KALRN: variants seen among roughly 807,000 people sequenced by gnomAD.
KALRN encodes kalirin.
A neutral mutation model predicts 353.7 loss-of-function variants in KALRN; 70 were observed. The ratio of observed to expected loss-of-function variants is 0.20; its 90% CI spans 0.16 to 0.24. The LOEUF (loss-of-function observed/expected upper bound fraction) is 0.24, where lower values mean the gene tolerates loss of function less well. Ranked by LOEUF, KALRN falls within the 10% of genes least tolerant of loss-of-function variation. The pLI is 1.00. For missense variants in KALRN, 2,791 were observed against 3,756.7 expected, an observed-to-expected ratio of 0.74 and a Z score of 6.72; for synonymous variants, 1,391 against 1,434.8, an observed-to-expected ratio of 0.97 and a Z score of 0.69.
chr3:124,647,924 G>T (rs992832001), intron 37 of KALRN, among the ~76,000 whole-genome samples: 1 of 152,146 alleles, frequency 6.6e-6, no homozygotes, highest in African/African-American at 2.4e-5. Flanking sequence ...GAATCTATTT[G>T]CATTTCTATT....
intron 33 of KALRN, among the ~76,000 whole-genome samples, chr3:124,535,076 T>C (rs1205157070): frequency 6.6e-6 from 1 of 152,084 alleles, no homozygotes; most frequent in East Asian, 1.9e-4. Context: ...GCTCTGTTTC[T>C]GCCTATGAGA....
Position 124,665,738 on chromosome 3 carries a change from T to A in KALRN, c.6346-711T>A, listed in dbSNP as rs142950941. Among the ~76,000 whole-genome samples, 399 of 152,296 alleles carry A rather than the reference T, an allele frequency of 2.6e-3. 1 individual carries two copies. Among genetic ancestry groups the A allele is most frequent in the African/African-American group, 9.2e-3 (381 of 41,558 alleles). ...GCTTGGCCTCCCAAAGTTCTGGGAT[T>A]ACAGGCATGAGCACCACACCCACCC... On this transcript the variant is annotated intron_variant, in intron 45 of 59. Transcript: ENST00000682506.
intron 1 of KALRN, among the ~76,000 whole-genome samples, chr3:124,207,077 A>G (rs2076472997): frequency 6.6e-6 from 1 of 152,242 alleles, no homozygotes; most frequent in South Asian, 2.1e-4. Context: ...ACAACAAACA[A>G]GAAGTTTCCC....
intron 51 of KALRN, among the ~76,000 whole-genome samples, chr3:124,691,550 CA>C (rs2061816740): frequency 6.6e-6 from 1 of 152,166 alleles, no homozygotes; most frequent in African/African-American, 2.4e-5. Context: ...TTATAAATCC[CA>C]AGGGTAGAGC....
chr3:124,408,655 A>G (rs895152614), intron 13 of KALRN, among the ~76,000 whole-genome samples: 1 of 152,196 alleles, frequency 6.6e-6, no homozygotes, highest in Non-Finnish European at 1.5e-5. Context: ...AGAACTATAC[A>G]GTGAGATTTC....
At chr3:124,667,237 C>T in intron 47 of KALRN, 54 bp downstream of exon 47, 1 of 1,509,784 alleles carries the variant, frequency 6.6e-7, no homozygotes, top group Non-Finnish European at 9.0e-7. Flanking sequence ...TCCACGACCT[C>T]TGAGCTTCCT....
intron 33 of KALRN, among the ~76,000 whole-genome samples, chr3:124,540,930 C>A (rs974873918): frequency 6.6e-6 from 1 of 152,196 alleles, no homozygotes; most frequent in Non-Finnish European, 1.5e-5. Context: ...CTCCCTATTA[C>A]TCTGGGCTGA....
chr3:124,179,291 CTT>C (rs549126959), intron 1 of KALRN, among the ~76,000 whole-genome samples: 2 of 151,196 alleles, frequency 1.3e-5, no homozygotes, highest in African/African-American at 4.9e-5. Flanking sequence ...ACTTTTAAAA[CTT>C]TTTTTTTAAC....
chr3:124,385,029 C>T lies in KALRN; in HGVS notation c.1955C>T (p.Thr652Ile), dbSNP rs145738438. 1 of 1,598,878 alleles carries T rather than the reference C, an allele frequency of 6.3e-7. No individual in the cohort carries two copies. The highest frequency in any genetic ancestry group is 8.5e-7 in the Non-Finnish European group (1 of 1,170,630). ...LDMSVSFHTH[T>I]KELWTWMEDL... ...ATGTCTGTTTCCTTCCACACACACA[C>T]CAAAGAGGTAAGGGGAGCTAGTGGA... Residue 652 changes from threonine (T) to isoleucine (I), a missense_variant, in exon 11 of 60, where the codon ACC becomes ATC. By Grantham distance (89) the Thr-to-Ile change is moderately conservative. Around this residue, in one of 11 missense-constraint regions of KALRN, gnomAD observed 452 missense variants for 575.8 expected, o/e 0.78. Transcript: ENST00000682506.
chr3:124,259,305 G>T (rs1429890434), intron 3 of KALRN, among the ~76,000 whole-genome samples: 2 of 152,144 alleles, frequency 1.3e-5, no homozygotes, highest in Non-Finnish European at 2.9e-5. Flanking sequence ...AGAAGCGTAG[G>T]CATCAGCTAA....
intron 27 of KALRN, among the ~76,000 whole-genome samples, chr3:124,481,009 G>C (rs2061929553): frequency 6.6e-6 from 1 of 151,990 alleles, no homozygotes; most frequent in South Asian, 2.1e-4. Flanking sequence ...TTTCTCTTGA[G>C]TATATACCTA....
intron 3 of KALRN, among the ~76,000 whole-genome samples, chr3:124,257,197 T>G (rs1360208156): frequency 6.6e-6 from 1 of 152,248 alleles, no homozygotes; most frequent in African/African-American, 2.4e-5. Flanking sequence ...CTACTATTTA[T>G]TAAATGCATA....
At chr3:124,074,478 A>G (rs1283355112) in intron 1 of KALRN, among the ~76,000 whole-genome samples, 2 of 152,230 alleles carry the variant, frequency 1.3e-5, no homozygotes, top group African/African-American at 2.4e-5. Context: ...TTTTCCAGGC[A>G]TACGTAAGTT....
intron 51 of KALRN, chr3:124,679,865 A>G: frequency 5.6e-6 from 2 of 359,706 alleles, no homozygotes; most frequent in South Asian, 2.4e-5. Context: ...TAAAGAGTGG[A>G]TGAGTCCCAG....
Position 124,642,806 on chromosome 3 carries a change from G to GTTGTTTTTT in KALRN, c.5664+5505_5664+5506insGTTTTTTTT, listed in dbSNP as rs796628603. 1.1e-3 allele frequency among the ~76,000 whole-genome samples: 105 copies of GTTGTTTTTT among 96,812 alleles called. 7 individuals carry two copies. The highest frequency in any genetic ancestry group is 2.4e-3 in the East Asian group (5 of 2,100). 63.5% of individuals were successfully genotyped at this position (96,812 alleles called of 152,430 possible). A position where few individuals can be genotyped will look rare whatever the true frequency, so the allele number is the denominator to read the frequency against. ...TCTGTGGAAGAGATTCCCAAGCCTC[G>GTTGTTTTTT]TTTTTTTTTTTTTTTTTTTTGAGAC... On this transcript the variant is annotated intron_variant, in intron 37 of 59. Transcript: ENST00000682506.
At chr3:124,156,400 T>C (rs967137009) in intron 1 of KALRN, among the ~76,000 whole-genome samples, 1 of 152,240 alleles carries the variant, frequency 6.6e-6, no homozygotes, top group Non-Finnish European at 1.5e-5. Context: ...TTACCTCTAA[T>C]AGTCTCTACT....
chr3:124,195,949 A>C (rs1187379179), intron 1 of KALRN, among the ~76,000 whole-genome samples: 1 of 152,172 alleles, frequency 6.6e-6, no homozygotes, highest in Non-Finnish European at 1.5e-5. Flanking sequence ...AAGGGGGAAC[A>C]CCAGGGATCT....
chr3:124,473,747 A>G (rs2061169301), intron 25 of KALRN, among the ~76,000 whole-genome samples: 1 of 152,242 alleles, frequency 6.6e-6, no homozygotes, highest in African/African-American at 2.4e-5. Context: ...AGAAATAGCT[A>G]CAGGAAAATT....
At chr3:124,634,983 C>G (rs1020939587) in intron 36 of KALRN, among the ~76,000 whole-genome samples, 1 of 152,096 alleles carries the variant, frequency 6.6e-6, no homozygotes, top group Non-Finnish European at 1.5e-5. Flanking sequence ...AATTGTTAAC[C>G]CACAGACATT....
Sources: allele counts gnomAD v4.1 joint callset (sites outside exome capture counted in the v4.1 genomes callset), GRCh38; gene constraint gnomAD v4.1.1; regional missense constraint gnomAD v4.1.1; transcripts MANE v1.5; gene names NCBI Gene and HGNC (gene_info 2026-07-23, HGNC 2026-07-21).